Variants in DAB1 observed in about 807,000 individuals in gnomAD.
DAB1 encodes the protein DAB adaptor protein 1, also known as disabled homolog 1.
DAB1 carries 15 observed loss-of-function variants against 64.6 expected under a neutral mutation model. The observed-to-expected ratio is 0.23, with a 90% confidence interval of 0.16 to 0.36. DAB1 has a LOEUF of 0.36. Ranked by LOEUF, DAB1 falls within the 10% of genes least tolerant of loss-of-function variation. The probability of loss-of-function intolerance (pLI) is 1.00; values close to 1 mark genes in which losing one functional copy is unlikely to be tolerated. For missense variants in DAB1, 596 were observed against 706.7 expected (o/e 0.84, Z 1.78); for synonymous variants, 235 against 251.9 (o/e 0.93, Z 0.64).
chr1:58,376,499 T>G (rs906341172), intron 3 of DAB1, among the ~76,000 whole-genome samples: 3 of 143,074 alleles, frequency 2.1e-5, no homozygotes, highest in Non-Finnish European at 3.1e-5. Flanking sequence ...CTGAGTGAGA[T>G]TCTTAATCCT....
intron 9 of DAB1, among the ~76,000 whole-genome samples, chr1:57,059,581 A>T (rs777525288): frequency 6.6e-6 from 1 of 152,176 alleles, no homozygotes; most frequent in African/African-American, 2.4e-5. Flanking sequence ...GTGTGCATTC[A>T]TCAGAGAGGC....
In DAB1 at chr1:57,937,244, G is replaced by A. The variant is rs1471890947; in HGVS notation, n.388-53082C>T. Among the ~76,000 whole-genome samples the A allele has an allele frequency of 2.0e-5, 3 of 152,060 alleles. No individual in the cohort carries two copies. The East Asian group carries it at 5.8e-4, about 29-fold the overall frequency. On this transcript the variant is annotated intron_variant and non_coding_transcript_variant, in intron 5 of 20. Coordinates refer to the DAB1 transcript ENST00000485760. ...GAGCCAAGGAGGGAAGGGACCCAACGGGATTCCTCCTAAGTGTTTGCTGGG... is the reference window on the plus strand; with the variant it reads ...GAGCCAAGGAGGGAAGGGACCCAACAGGATTCCTCCTAAGTGTTTGCTGGG...
chr1:57,762,263 C>A (rs1304878710), intron 6 of DAB1, among the ~76,000 whole-genome samples: 1 of 151,720 alleles, frequency 6.6e-6, no homozygotes, highest in Admixed American at 6.6e-5. Context: ...AAGAGGCCTG[C>A]GTCCCTTCCA....
At chr1:57,322,911 A>G (rs1675837455) in intron 1 of DAB1, among the ~76,000 whole-genome samples, 1 of 152,206 alleles carries the variant, frequency 6.6e-6, no homozygotes, top group South Asian at 2.1e-4. Context: ...CCCAAGCAGC[A>G]GTCCTTTCTA....
intron 3 of DAB1, among the ~76,000 whole-genome samples, chr1:58,396,908 AC>A (rs1644528116): frequency 6.6e-6 from 1 of 152,114 alleles, no homozygotes. Context: ...TAAACAAAAT[AC>A]AAAAAACTAG....
At position 57,460,758 on chromosome 1, in the gene DAB1, G is replaced by A. The variant is rs752736328; in HGVS notation, n.626-169592C>T. ...TGCATAGGTACATTCGCCAGCCCTC[G>A]GCCACAATAAGGAAGGTCCTGCAGA... On this transcript the variant is annotated intron_variant and non_coding_transcript_variant, in intron 7 of 20. Coordinates refer to the DAB1 transcript ENST00000485760. Among the ~76,000 whole-genome samples, 9 of 152,042 alleles carry A rather than the reference G, an allele frequency of 5.9e-5. 1 individual carries two copies. The highest frequency in any genetic ancestry group is 1.3e-4 in the Non-Finnish European group (9 of 67,986).
At chr1:57,460,589 G>A (rs1373419546) in intron 7 of DAB1, among the ~76,000 whole-genome samples, 1 of 152,136 alleles carries the variant, frequency 6.6e-6, no homozygotes, top group African/African-American at 2.4e-5. Flanking sequence ...ACAAAGCTCC[G>A]AGTGATCATC....
intron 11 of DAB1, among the ~76,000 whole-genome samples, chr1:57,021,441 G>A (rs941838975): frequency 9.2e-5 from 14 of 152,118 alleles, no homozygotes; most frequent in Admixed American, 2.0e-4. Flanking sequence ...TGAATCATGG[G>A]GGTGGTTTTC....
At chr1:57,424,554 C>A (rs1685190676), upstream of DAB1, among the ~76,000 whole-genome samples, 1 of 152,022 alleles carries the variant, frequency 6.6e-6, no homozygotes, top group African/African-American at 2.4e-5. Context: ...CGCAGCTCCG[C>A]CTGGCCTCTC....
chr1:58,382,899 G>C (rs77802395), intron 3 of DAB1, among the ~76,000 whole-genome samples: 2 of 152,054 alleles, frequency 1.3e-5, no homozygotes, highest in Non-Finnish European at 2.9e-5. Context: ...TGTCACCTGA[G>C]TGATCACACT....
At chr1:57,615,703 A>AG (rs1374448708) in intron 7 of DAB1, among the ~76,000 whole-genome samples, 6 of 151,472 alleles carry the variant, frequency 4.0e-5, no homozygotes, top group Non-Finnish European at 8.8e-5. Context: ...AGTCAAAGAA[A>AG]AAAAAGTTCT....
intron 9 of DAB1, among the ~76,000 whole-genome samples, chr1:57,058,148 G>A (rs531083121): frequency 2.3e-4 from 35 of 152,276 alleles, no homozygotes; most frequent in South Asian, 8.3e-4. Context: ...ATGCAGGTGC[G>A]TGAGTGTGTG....
chr1:57,739,755 T>A (rs1183745804), intron 6 of DAB1, among the ~76,000 whole-genome samples: 1 of 151,300 alleles, frequency 6.6e-6, no homozygotes, highest in African/African-American at 2.4e-5. Context: ...ACCCACCTAC[T>A]TAACAGTTTT....
At chr1:58,469,458 A>G (rs1004535817) in intron 3 of DAB1, among the ~76,000 whole-genome samples, 1 of 152,198 alleles carries the variant, frequency 6.6e-6, no homozygotes, top group Non-Finnish European at 1.5e-5. Flanking sequence ...AGGGGAAAAG[A>G]AATCTTTTCT....
intron 2 of DAB1, among the ~76,000 whole-genome samples, chr1:57,287,432 A>G (rs960828983): frequency 1.3e-5 from 2 of 152,202 alleles, no homozygotes; most frequent in African/African-American, 2.4e-5. Context: ...AGAAGCAATC[A>G]GGAACGAGAT....
At chr1:57,746,268 T>C (rs1474854117) in intron 6 of DAB1, among the ~76,000 whole-genome samples, 2 of 152,174 alleles carry the variant, frequency 1.3e-5, no homozygotes, top group Non-Finnish European at 2.9e-5. Flanking sequence ...GGAATGCATA[T>C]CCTCAGAGAG....
At chr1:58,457,399 C>G (rs1291647340) in intron 3 of DAB1, among the ~76,000 whole-genome samples, 1 of 151,990 alleles carries the variant, frequency 6.6e-6, no homozygotes, top group African/African-American at 2.4e-5. Flanking sequence ...CTGGCCACCT[C>G]CTCATGTCTA....
chr1:57,716,730 A>T (rs564082444), intron 6 of DAB1, among the ~76,000 whole-genome samples: 1 of 152,334 alleles, frequency 6.6e-6, no homozygotes, highest in African/African-American at 2.4e-5. Context: ...ATAATAGACA[A>T]ATTCGATTAT....
chr1:57,754,673 G>A (rs1486724923), intron 6 of DAB1, among the ~76,000 whole-genome samples: 1 of 151,290 alleles, frequency 6.6e-6, no homozygotes, highest in Admixed American at 6.7e-5. Context: ...CTGGGAGATA[G>A]AGGGAGATTC....
Sources: gnomAD v4.1 joint callset for allele counts (sites outside exome capture counted in the v4.1 genomes callset) on GRCh38, gnomAD v4.1.1 for gene constraint, MANE v1.5 for transcripts, NCBI Gene and HGNC (gene_info 2026-07-23, HGNC 2026-07-21) for gene names.